PTPRD: variants seen among roughly 807,000 people sequenced by gnomAD.
PTPRD encodes receptor-type tyrosine-protein phosphatase delta.
A neutral mutation model predicts 214.5 loss-of-function variants in PTPRD; 34 were observed. The ratio of observed to expected loss-of-function variants is 0.16; its 90% CI spans 0.12 to 0.21. The LOEUF is 0.21. Among genes scored for constraint, PTPRD ranks in the 10% least tolerant of loss-of-function variants. PTPRD has a pLI of 1.00. For synonymous variants in PTPRD, 1,128 were observed against 845.7 expected, an observed-to-expected ratio of 1.33 and a Z score of -5.79; for missense variants, 2,545 against 2,398.7, an observed-to-expected ratio of 1.06 and a Z score of -1.27.
At chr9:8,487,996 T>C (rs1236087643) in intron 27 of PTPRD, among the ~76,000 whole-genome samples, 1 of 152,066 alleles carries the variant, frequency 6.6e-6, no homozygotes, top group Admixed American at 6.6e-5. Context: ...ACCATTGCTG[T>C]CCAGCCTGAG....
chr9:8,362,302 C>A (rs2078702031), intron 39 of PTPRD, among the ~76,000 whole-genome samples: 1 of 152,138 alleles, frequency 6.6e-6, no homozygotes, highest in East Asian at 1.9e-4. Flanking sequence ...CTATTGTACC[C>A]TACAAACCAA....
chr9:9,019,022 T>C lies in PTPRD; in HGVS notation c.-142-287A>G, dbSNP rs555724790. On this transcript the variant is annotated intron_variant, in intron 10 of 45. Transcript: ENST00000381196. Reference sequence around the variant, plus strand: ...AATGTATCCCCTAATCAAAATTATATGTAGTAGAAAAGAAATAACATACAG... The same window carrying C: ...AATGTATCCCCTAATCAAAATTATACGTAGTAGAAAAGAAATAACATACAG... Among the ~76,000 whole-genome samples the C allele has an allele frequency of 1.2e-3, 176 of 152,166 alleles. No individual in the cohort carries two copies. In the Middle Eastern group the frequency reaches 0.024, roughly 21 times the overall value.
At chr9:8,562,083 A>T (rs1315895062) in intron 14 of PTPRD, among the ~76,000 whole-genome samples, 1 of 152,198 alleles carries the variant, frequency 6.6e-6, no homozygotes, top group Non-Finnish European at 1.5e-5. Flanking sequence ...GATACATTTG[A>T]AGCAAGAGGA....
chr9:10,530,710 T>A (rs1330213088), intron 2 of PTPRD, among the ~76,000 whole-genome samples: 2 of 152,118 alleles, frequency 1.3e-5, no homozygotes, highest in Non-Finnish European at 2.9e-5. Flanking sequence ...AGGCTTAATT[T>A]AGGAAATCTG....
rs1402241581 is a variant in PTPRD at position 8,680,680 on chromosome 9, A to G, written c.65-43836T>C. Reference sequence around the variant, plus strand: ...CAAAATACAGATACTATATAAATACATAAACACACATACACACATAAATAC... The same window carrying G: ...CAAAATACAGATACTATATAAATACGTAAACACACATACACACATAAATAC... On this transcript the variant is annotated intron_variant, in intron 12 of 45. Coordinates refer to ENST00000381196, the MANE Select transcript of PTPRD (RefSeq NM_002839.4). 2.0e-5 allele frequency among the ~76,000 whole-genome samples: 3 copies of G among 152,096 alleles called. No homozygotes were observed. In the East Asian group the frequency reaches 5.8e-4, roughly 29 times the overall value.
intron 5 of PTPRD, among the ~76,000 whole-genome samples, chr9:9,806,861 T>C (rs2099076245): frequency 6.6e-6 from 1 of 152,112 alleles, no homozygotes; most frequent in Admixed American, 6.6e-5. Flanking sequence ...AAAACAGCTC[T>C]TGTGAGCATG....
chr9:10,558,348 T>A (rs1043122491), intron 2 of PTPRD, among the ~76,000 whole-genome samples: 1 of 152,112 alleles, frequency 6.6e-6, no homozygotes, highest in Admixed American at 6.6e-5. Flanking sequence ...GAGGAAAAAA[T>A]AATAAAAGTT....
At chr9:8,526,665 C>A in intron 16 of PTPRD, 21 bp from the exon 17 acceptor site, 1 of 1,570,662 alleles carries the variant, frequency 6.4e-7, no homozygotes, top group Non-Finnish European at 8.7e-7. Context: ...AATATGAATG[C>A]AAATAAGATT....
chr9:10,536,235 G>C (rs2057769639), intron 2 of PTPRD, among the ~76,000 whole-genome samples: 1 of 152,106 alleles, frequency 6.6e-6, no homozygotes, highest in South Asian at 2.1e-4. Flanking sequence ...ATAGGAAAAA[G>C]TATAAATATA....
chr9:8,416,328 T>C (rs1382443002), intron 35 of PTPRD, among the ~76,000 whole-genome samples: 1 of 152,128 alleles, frequency 6.6e-6, no homozygotes, highest in African/African-American at 2.4e-5. Flanking sequence ...TATAAAAACC[T>C]AGAATGTTAT....
chr9:8,341,765 C>T lies in PTPRD; in HGVS notation c.4875G>A (p.Leu1625=), dbSNP rs1249741113. The T allele has an allele frequency of 1.2e-6, 2 of 1,613,622 alleles. No homozygotes were observed. Among genetic ancestry groups the T allele is most frequent in the Non-Finnish European group, 1.7e-6 (2 of 1,179,738 alleles). Residue 1625 remains leucine (L), a synonymous_variant, in exon 40 of 46, where the codon TTG becomes TTA. Transcript: ENST00000381196. ...CGNTEVPARN[L]YAYIQKLTQI... The stretch of plus-strand genomic sequence containing the variant: ...GTGTCAGCTTCTGAATGTAGGCATA[C>T]AAGTTTCTAGCTGGCACTTCGGTAT...
intron 7 of PTPRD, among the ~76,000 whole-genome samples, chr9:9,691,986 T>C (rs760697852): frequency 9.2e-5 from 14 of 152,046 alleles, no homozygotes; most frequent in Non-Finnish European, 1.8e-4. Flanking sequence ...ATCTTTTCCT[T>C]TGGGATTGTT....
At chr9:9,250,623 T>C (rs2099975092) in intron 9 of PTPRD, among the ~76,000 whole-genome samples, 1 of 152,126 alleles carries the variant, frequency 6.6e-6, no homozygotes, top group Non-Finnish European at 1.5e-5. Flanking sequence ...ACTAAACTGA[T>C]AAAATGTTTT....
intron 5 of PTPRD, among the ~76,000 whole-genome samples, chr9:9,793,286 G>A (rs577558007): frequency 4.1e-4 from 63 of 152,090 alleles, no homozygotes; most frequent in African/African-American, 7.0e-4. Flanking sequence ...TCTATAAAAC[G>A]TGCCATTTGA....
intron 2 of PTPRD, among the ~76,000 whole-genome samples, chr9:10,348,123 A>T (rs2097121472): frequency 6.6e-6 from 1 of 152,138 alleles, no homozygotes; most frequent in South Asian, 2.1e-4. Flanking sequence ...CAAGCACTAA[A>T]TCTTATTTTA....
At position 8,940,280 on chromosome 9, in the gene PTPRD, C is replaced by CTTCTCTCCTTTTTTTTTTTTT. The variant is rs2099024010; in HGVS notation, c.-104+78416_-104+78417insAAAAAAAAAAAAAGGAGAGAA. Reference sequence around the variant, plus strand: ...TCACACATCTCTCTCTCTCTCTCTCCTTTTTTTTTTTTTTTTTTTTGAGAT... The same window carrying CTTCTCTCCTTTTTTTTTTTTT: ...TCACACATCTCTCTCTCTCTCTCTCCTTCTCTCCTTTTTTTTTTTTTTTTTTTTTTTTTTTTTTTTTGAGAT... On this transcript the variant is annotated intron_variant, in intron 11 of 45. Coordinates refer to ENST00000381196, the MANE Select transcript of PTPRD (RefSeq NM_002839.4). Among the ~76,000 whole-genome samples, 20 of 89,050 alleles carry CTTCTCTCCTTTTTTTTTTTTT rather than the reference C, an allele frequency of 2.2e-4. 1 individual carries two copies. The highest frequency in any genetic ancestry group is 6.2e-5 in the Non-Finnish European group (3 of 48,734). The allele number at this position is 89,050 out of a possible 152,430, so 58.4% of individuals were successfully genotyped here. A position where few individuals can be genotyped will look rare whatever the true frequency, so the allele number is the denominator to read the frequency against.
At chr9:10,138,016 G>T (rs2098954980) in intron 3 of PTPRD, among the ~76,000 whole-genome samples, 2 of 151,866 alleles carry the variant, frequency 1.3e-5, no homozygotes, top group South Asian at 4.1e-4. Flanking sequence ...CCCAAAGCTA[G>T]CAGAAGAAAA....
intron 7 of PTPRD, among the ~76,000 whole-genome samples, chr9:9,694,472 G>T (rs904641995): frequency 6.6e-6 from 1 of 151,960 alleles, no homozygotes; most frequent in Non-Finnish European, 1.5e-5. Flanking sequence ...AAGCTCCTTT[G>T]TGGCCACCAC....
At chr9:9,275,066 T>TA (rs372180743) in intron 9 of PTPRD, among the ~76,000 whole-genome samples, 10 of 73,038 alleles carry the variant, frequency 1.4e-4, no homozygotes, top group Non-Finnish European at 2.2e-4. Flanking sequence ...TATATATATA[T>TA]TATATATATA....
Sources: gnomAD v4.1 joint callset for allele counts (sites outside exome capture counted in the v4.1 genomes callset) on GRCh38, gnomAD v4.1.1 for gene constraint, MANE v1.5 for transcripts, NCBI Gene and HGNC (gene_info 2026-07-23, HGNC 2026-07-21) for gene names.